ZFHX3: variants seen among roughly 807,000 people sequenced by gnomAD.
The protein encoded by ZFHX3 is zinc finger homeobox 3.
A neutral mutation model predicts 279.1 loss-of-function variants in ZFHX3; 42 were observed. The observed-to-expected ratio is 0.15, with a 90% CI of 0.12 to 0.19. ZFHX3 has a LOEUF of 0.19. Ranked by LOEUF, ZFHX3 falls within the 10% of genes least tolerant of loss-of-function variation. The pLI, the probability that ZFHX3 is intolerant of heterozygous loss-of-function variation, is 1.00. For synonymous variants in ZFHX3, 2,293 were observed against 1,957.8 expected, an observed-to-expected ratio of 1.17 and a Z score of -4.52; for missense variants, 4,981 against 4,754.0, an observed-to-expected ratio of 1.05 and a Z score of -1.40.
At chr16:72,988,128 C>G (rs935337140) in intron 1 of ZFHX3, among the ~76,000 whole-genome samples, 3 of 152,186 alleles carry the variant, frequency 2.0e-5, no homozygotes, top group Non-Finnish European at 4.4e-5. Context: ...CAGGGCCAGT[C>G]GAGCCTGCAT....
intron 1 of ZFHX3, among the ~76,000 whole-genome samples, chr16:73,874,720 T>G (rs2029896145): frequency 6.6e-6 from 1 of 152,196 alleles, no homozygotes; most frequent in South Asian, 2.1e-4. Flanking sequence ...AAAAAATATC[T>G]CAAGTACACA....
At chr16:73,366,649 G>T (rs1196574955) in intron 3 of ZFHX3, among the ~76,000 whole-genome samples, 1 of 151,380 alleles carries the variant, frequency 6.6e-6, no homozygotes, top group Non-Finnish European at 1.5e-5. Context: ...TGGAGCAATG[G>T]TTCCAGAGTA....
rs1170986261 is a variant in ZFHX3, at chr16:73,738,206, T to G, written c.-1607-57966A>C. Among the ~76,000 whole-genome samples the G allele has an allele frequency of 4.6e-5, 7 of 152,348 alleles. No homozygotes were observed. In the East Asian group the frequency reaches 1.3e-3, roughly 29 times the overall value. ...ATGGAAAACAAGTAAGTTAATTTCC[T>G]TTGCTTTGTCTAGATGCTGTGAATG... is the stretch of plus-strand genomic sequence containing the variant. On this transcript the variant is annotated intron_variant, in intron 1 of 17. Transcript: ENST00000641206.
intron 3 of ZFHX3, among the ~76,000 whole-genome samples, chr16:72,897,016 G>A (rs1310390224): frequency 1.3e-5 from 2 of 152,238 alleles, no homozygotes; most frequent in African/African-American, 4.8e-5. Context: ...GCCCCTCTGA[G>A]CCAGGGGGCT....
intron 1 of ZFHX3, among the ~76,000 whole-genome samples, chr16:73,761,353 T>G (rs1418024034): frequency 6.6e-6 from 1 of 152,140 alleles, no homozygotes; most frequent in Non-Finnish European, 1.5e-5. Context: ...TGGAAAAACA[T>G]TCCATGCTCA....
At chr16:73,089,781 G>C (rs1318059280) in intron 8 of ZFHX3, among the ~76,000 whole-genome samples, 2 of 152,198 alleles carry the variant, frequency 1.3e-5, no homozygotes, top group African/African-American at 2.4e-5. Context: ...CAAGCCTTTT[G>C]TTAATGACTG....
intron 4 of ZFHX3, among the ~76,000 whole-genome samples, chr16:73,311,324 G>A (rs182458000): frequency 6.6e-6 from 1 of 151,738 alleles, no homozygotes; most frequent in Non-Finnish European, 1.5e-5. Flanking sequence ...GATGGATGCA[G>A]TGGCTCACAC....
intron 1 of ZFHX3, among the ~76,000 whole-genome samples, chr16:73,888,804 G>A (rs941674757): frequency 6.6e-6 from 1 of 152,036 alleles, no homozygotes; most frequent in Non-Finnish European, 1.5e-5. Context: ...AGAGAGGCTG[G>A]GGTCCACCTT....
intron 1 of ZFHX3, among the ~76,000 whole-genome samples, chr16:73,010,222 G>A (rs1009254386): frequency 3.9e-5 from 6 of 152,044 alleles, no homozygotes; most frequent in South Asian, 2.1e-4. Flanking sequence ...GCCACCCTAG[G>A]AGCCTGGCAC....
At chr16:72,863,582 A>C (rs1416250157) in intron 4 of ZFHX3, among the ~76,000 whole-genome samples, 1 of 152,104 alleles carries the variant, frequency 6.6e-6, no homozygotes, top group Non-Finnish European at 1.5e-5. Context: ...TGATATAACC[A>C]AGATTTGTTT....
At chr16:73,187,578 C>A (rs911849011) in intron 5 of ZFHX3, among the ~76,000 whole-genome samples, 13 of 152,154 alleles carry the variant, frequency 8.5e-5, no homozygotes, top group African/African-American at 3.1e-4. Flanking sequence ...GTGCTGCTGG[C>A]CTGTGAGTTA....
intron 2 of ZFHX3, among the ~76,000 whole-genome samples, chr16:73,618,116 G>C (rs993409243): frequency 6.6e-6 from 1 of 152,166 alleles, no homozygotes; most frequent in African/African-American, 2.4e-5. Context: ...GACACTAGCA[G>C]TGTGGTCCGG....
chr16:72,851,190 C>A (rs1230445828), intron 4 of ZFHX3, among the ~76,000 whole-genome samples: 2 of 151,998 alleles, frequency 1.3e-5, no homozygotes, highest in African/African-American at 4.8e-5. Context: ...AGAGAGATGC[C>A]CCAGCCAGAT....
intron 2 of ZFHX3, among the ~76,000 whole-genome samples, chr16:73,645,225 G>C (rs2052607470): frequency 6.6e-6 from 1 of 152,126 alleles, no homozygotes; most frequent in Non-Finnish European, 1.5e-5. Context: ...TCCAAATGTA[G>C]CATTTAAAGG....
chr16:73,062,752 G>T (rs1450117089), upstream of ZFHX3, among the ~76,000 whole-genome samples: 1 of 151,706 alleles, frequency 6.6e-6, no homozygotes, highest in Non-Finnish European at 1.5e-5. Flanking sequence ...AGAAAACCCC[G>T]TGTGGAGGCA....
At chr16:72,860,444 T>C (rs2037857458) in intron 4 of ZFHX3, among the ~76,000 whole-genome samples, 1 of 152,216 alleles carries the variant, frequency 6.6e-6, no homozygotes, top group South Asian at 2.1e-4. Context: ...TTTTACTTTT[T>C]GAGACAGAGT....
chr16:73,647,022 TTC>T (rs1491175191), intron 2 of ZFHX3, among the ~76,000 whole-genome samples: 3 of 91,922 alleles, frequency 3.3e-5, no homozygotes, highest in African/African-American at 8.6e-5. Flanking sequence ...CCTTTTTTTT[TTC>T]TTTTTTTTTT....
intron 1 of ZFHX3, among the ~76,000 whole-genome samples, chr16:73,814,568 CTTT>C (rs1242558367): frequency 1.4e-5 from 2 of 141,878 alleles, no homozygotes; most frequent in Non-Finnish European, 1.5e-5. Context: ...TAGTTCACAA[CTTT>C]TTTTTTTTTT....
intron 2 of ZFHX3, among the ~76,000 whole-genome samples, chr16:73,564,183 G>T (rs825700): frequency 0.69 from 105,255 of 151,962 alleles, 37,448 homozygotes; most frequent in African/African-American, 0.85. Context: ...CTCTGGGTTT[G>T]GTTCAGCCTC....
Sources: allele counts gnomAD v4.1 joint callset (sites outside exome capture counted in the v4.1 genomes callset), GRCh38; gene constraint gnomAD v4.1.1; transcripts MANE v1.5; gene names NCBI Gene and HGNC (gene_info 2026-07-23, HGNC 2026-07-21).